The following NBAS variants were observed in gnomAD, a reference collection of about 807,000 sequenced individuals.
NBAS encodes NBAS subunit of NRZ tethering complex, also known as NAG/BC035112 fusion.
A neutral mutation model predicts 302.5 loss-of-function variants in NBAS; 219 were observed. The ratio of observed to expected loss-of-function variants is 0.72; its 90% confidence interval spans 0.65 to 0.81. NBAS has a LOEUF of 0.81. NBAS is among the 30% of genes least tolerant of loss of function. The pLI is 0.00. For missense variants in NBAS, 2,932 were observed against 2,841.6 expected (o/e 1.03, Z -0.72); for synonymous variants, 1,118 against 1,021.6 (o/e 1.09, Z -1.80).
At chr2:15,539,870 ACACT>A (rs1663716112) in intron 6 of NBAS, among the ~76,000 whole-genome samples, 1 of 152,162 alleles carries the variant, frequency 6.6e-6, no homozygotes, top group Non-Finnish European at 1.5e-5. Context: ...ACACACACAC[ACACT>A]CACACACATA....
chr2:15,021,671 T>C, the NBAS span, among the ~76,000 whole-genome samples: 3,212 of 152,150 alleles, frequency 0.021, 139 homozygotes, highest in African/African-American at 0.074. Context: ...AAGAGCAGAT[T>C]TGGGCTCACA....
the NBAS span, among the ~76,000 whole-genome samples, chr2:14,810,930 C>A: frequency 6.6e-6 from 1 of 152,080 alleles, no homozygotes; most frequent in Admixed American, 6.6e-5. Context: ...CTCCTCTGCC[C>A]AGAGCAGAAA....
the NBAS span, among the ~76,000 whole-genome samples, chr2:14,943,803 C>A: frequency 3.3e-5 from 5 of 151,778 alleles, no homozygotes; most frequent in East Asian, 9.8e-4. Context: ...TTTTAAACTT[C>A]ATGACTATAA....
chr2:15,497,449 T>TG (rs143023393), intron 11 of NBAS, among the ~76,000 whole-genome samples: 3 of 152,190 alleles, frequency 2.0e-5, no homozygotes, highest in Admixed American at 1.3e-4. Flanking sequence ...TTAGATTAGA[T>TG]GGGGGGATGA....
At chr2:15,549,141 C>T (rs944189746) in intron 6 of NBAS, among the ~76,000 whole-genome samples, 6 of 152,050 alleles carry the variant, frequency 3.9e-5, no homozygotes, top group African/African-American at 1.2e-4. Context: ...ATAATCTTTC[C>T]ACAACTCAAT....
the NBAS span, among the ~76,000 whole-genome samples, chr2:15,048,004 T>G: frequency 6.6e-6 from 1 of 150,894 alleles, no homozygotes; most frequent in Admixed American, 6.6e-5. Context: ...TCACAATTGT[T>G]TAAGTTTGCG....
At chr2:15,421,585 A>T (rs1466861323) in intron 23 of NBAS, among the ~76,000 whole-genome samples, 1 of 152,130 alleles carries the variant, frequency 6.6e-6, no homozygotes, top group Non-Finnish European at 1.5e-5. Context: ...TCACAGCATA[A>T]TCCACATGAA....
At chr2:15,174,731 T>G (rs1378406338) in intron 51 of NBAS, among the ~76,000 whole-genome samples, 1 of 152,220 alleles carries the variant, frequency 6.6e-6, no homozygotes, top group Non-Finnish European at 1.5e-5. Context: ...GGGTATAGAC[T>G]TTGAATGTTA....
chr2:15,097,915 TTATATATTATATATATTACA>T, the NBAS span, among the ~76,000 whole-genome samples: 109 of 115,404 alleles, frequency 9.4e-4, no homozygotes, highest in East Asian at 3.9e-3. Flanking sequence ...ATATACAATA[TTATATATTATATATATTACA>T]TATATATTAT....
the NBAS span, among the ~76,000 whole-genome samples, chr2:14,862,747 C>T: frequency 2.8e-3 from 427 of 152,220 alleles, 1 homozygote; most frequent in African/African-American, 9.9e-3. Context: ...ATGTTAGATG[C>T]TATAGCAGAT....
At chr2:15,049,342 C>T in the NBAS span, among the ~76,000 whole-genome samples, 3 of 152,212 alleles carry the variant, frequency 2.0e-5, no homozygotes, top group Admixed American at 6.5e-5. Context: ...ACCTGCTGGG[C>T]TGCCTCCTCT....
chr2:15,550,918 A>AT (rs1206837088), intron 6 of NBAS, among the ~76,000 whole-genome samples: 3 of 152,006 alleles, frequency 2.0e-5, no homozygotes, highest in Non-Finnish European at 4.4e-5. Flanking sequence ...TCCAAAAGTC[A>AT]TTTTTCTTTC....
At chr2:15,387,163 G>T (rs1034962801) in intron 28 of NBAS, among the ~76,000 whole-genome samples, 2 of 151,646 alleles carry the variant, frequency 1.3e-5, no homozygotes, top group African/African-American at 4.9e-5. Context: ...TGCCTCCCGG[G>T]TTCACGCCAT....
chr2:15,291,255 T>C (rs1670292403), intron 41 of NBAS, among the ~76,000 whole-genome samples: 1 of 152,254 alleles, frequency 6.6e-6, no homozygotes, highest in Non-Finnish European at 1.5e-5. Flanking sequence ...TCTCACCATC[T>C]ATGGAACTTA....
At chr2:15,516,393 T>G (rs1662390983) in intron 9 of NBAS, among the ~76,000 whole-genome samples, 1 of 152,176 alleles carries the variant, frequency 6.6e-6, no homozygotes, top group South Asian at 2.1e-4. Flanking sequence ...CCTGCCATCA[T>G]TAAGACATTC....
intron 21 of NBAS, among the ~76,000 whole-genome samples, chr2:15,439,592 G>A (rs1163572768): frequency 6.6e-6 from 1 of 152,172 alleles, no homozygotes; most frequent in Non-Finnish European, 1.5e-5. Flanking sequence ...GAAGATGCAT[G>A]ATTTCTGCAT....
At chr2:15,471,342 T>C (rs981953854) in intron 16 of NBAS, among the ~76,000 whole-genome samples, 1 of 152,244 alleles carries the variant, frequency 6.6e-6, no homozygotes, top group African/African-American at 2.4e-5. Context: ...CTTGCTTGTA[T>C]TAATGTTAGG....
At chr2:15,256,296 A>T (rs1394696890) in intron 44 of NBAS, among the ~76,000 whole-genome samples, 3 of 151,122 alleles carry the variant, frequency 2.0e-5, no homozygotes, top group African/African-American at 4.9e-5. Flanking sequence ...TAAGTATTTT[A>T]TTATTATTAT....
chr2:15,320,350 C>G (rs1459504836), intron 38 of NBAS, among the ~76,000 whole-genome samples: 1 of 152,196 alleles, frequency 6.6e-6, no homozygotes, highest in Non-Finnish European at 1.5e-5. Context: ...GACAAGGATG[C>G]CCTCTCTCAC....
Sources: gnomAD v4.1 joint callset for allele counts (sites outside exome capture counted in the v4.1 genomes callset) on GRCh38, gnomAD v4.1.1 for gene constraint, MANE v1.5 for transcripts, NCBI Gene and HGNC (gene_info 2026-07-23, HGNC 2026-07-21) for gene names.